The following FAM118A variants were observed in gnomAD, a reference collection of about 807,000 sequenced individuals.
The protein encoded by FAM118A is protein FAM118A.
Under a neutral mutation model 38.2 loss-of-function variants are expected in FAM118A, and 25 were observed. The ratio of observed to expected loss-of-function variants is 0.65; its 90% CI spans 0.48 to 0.91. The LOEUF is 0.91. Among genes scored for constraint, FAM118A ranks in the 40% least tolerant of loss-of-function variants. The pLI, the probability that FAM118A is intolerant of heterozygous loss-of-function variation, is 0.00. For missense variants in FAM118A, 425 were observed against 463.3 expected (o/e 0.92, Z 0.76); for synonymous variants, 178 against 184.1 (o/e 0.97, Z 0.27).
intron 8 of FAM118A, among the ~76,000 whole-genome samples, chr22:45,336,993 C>G (rs889371956): frequency 6.6e-6 from 1 of 152,240 alleles, no homozygotes; most frequent in Non-Finnish European, 1.5e-5. Flanking sequence ...GAATAGGCCT[C>G]TCTGTTGACG....
In FAM118A at chr22:45,317,976, G is replaced by T. The variant is rs573644771; in HGVS notation, c.-9-4395G>T. Among the ~76,000 whole-genome samples the T allele has an allele frequency of 2.0e-5, 3 of 152,356 alleles. No individual in the cohort carries two copies. The South Asian group carries it at 6.2e-4, about 32-fold the overall frequency. On this transcript the variant is annotated intron_variant, in intron 1 of 8. Transcript: ENST00000441876. ...TGTAGAAGGGTGTGGCTGCCAGCAG[G>T]CATGAGGGGCGGGGCCATTAACATC...
At chr22:45,322,712 T>C (rs2084953041) in intron 2 of FAM118A, among the ~76,000 whole-genome samples, 1 of 152,194 alleles carries the variant, frequency 6.6e-6, no homozygotes, top group African/African-American at 2.4e-5. Context: ...TGACTACAGA[T>C]GGACAGCAGC....
At chr22:45,311,671 C>CG (rs2084371398) in intron 1 of FAM118A, among the ~76,000 whole-genome samples, 1 of 151,696 alleles carries the variant, frequency 6.6e-6, no homozygotes, top group South Asian at 2.1e-4. Context: ...AGGAGAGGGG[C>CG]GGGAGTTGGT....
At chr22:45,311,862 G>A (rs1407157690) in intron 1 of FAM118A, among the ~76,000 whole-genome samples, 1 of 152,110 alleles carries the variant, frequency 6.6e-6, no homozygotes, top group African/African-American at 2.4e-5. Context: ...TTTCCTGTCT[G>A]AGCCTGGGGT....
At chr22:45,332,841 G>A (rs2085822227) in intron 6 of FAM118A, 131 bp downstream of exon 6, 4 of 919,150 alleles carry the variant, frequency 4.4e-6, no homozygotes, top group Non-Finnish European at 4.8e-6. Context: ...CCGCCTCCTA[G>A]GTTCAAGGGA....
chr22:45,321,006 C>G (rs1569127871), intron 1 of FAM118A, among the ~76,000 whole-genome samples: 1 of 152,184 alleles, frequency 6.6e-6, no homozygotes, highest in Non-Finnish European at 1.5e-5. Context: ...CATATATATA[C>G]ATTACACTTA....
At chr22:45,311,204 G>A (rs537830637) in intron 1 of FAM118A, among the ~76,000 whole-genome samples, 85 of 152,310 alleles carry the variant, frequency 5.6e-4, no homozygotes, top group African/African-American at 2.0e-3. Context: ...GTTTGCCAGG[G>A]TCATTCCAGG....
At chr22:45,326,213 G>A (rs796143961) in intron 3 of FAM118A, among the ~76,000 whole-genome samples, 29 of 141,410 alleles carry the variant, frequency 2.1e-4, no homozygotes, top group African/African-American at 7.0e-4. Context: ...GCAAAGCTCT[G>A]CAGCATGGTT....
intron 8 of FAM118A, among the ~76,000 whole-genome samples, chr22:45,339,700 G>A (rs528223132): frequency 6.6e-6 from 1 of 152,242 alleles, no homozygotes; most frequent in African/African-American, 2.4e-5. Context: ...CAAGAACGAA[G>A]GCCCGGGCGA....
chr22:45,312,333 T>C (rs548674008), intron 1 of FAM118A, among the ~76,000 whole-genome samples: 1 of 152,216 alleles, frequency 6.6e-6, no homozygotes, highest in South Asian at 2.1e-4. Flanking sequence ...CTCTGGAACT[T>C]CTGATCGATC....
In FAM118A at chr22:45,326,104, G is replaced by C. The variant is rs562631190; in HGVS notation, c.301-1738G>C. On this transcript the variant is annotated intron_variant, in intron 3 of 8. Transcript: ENST00000441876. ...GCGAGGGGAGGTATTTTGATACCCA[G>C]GTGCCGAGGCAGAGGGTGACAATGA... Among the ~76,000 whole-genome samples, 5 of 152,296 alleles carry C rather than the reference G, an allele frequency of 3.3e-5. No homozygotes were observed. The South Asian group carries it at 1.0e-3, about 32-fold the overall frequency.
At chr22:45,336,788 A>G (rs1489309322) in intron 8 of FAM118A, among the ~76,000 whole-genome samples, 1 of 152,246 alleles carries the variant, frequency 6.6e-6, no homozygotes, top group Non-Finnish European at 1.5e-5. Flanking sequence ...AATCACACGC[A>G]GTTGAGGAAG....
rs1054544751 is a variant in FAM118A, at chr22:45,341,534, G to C, written c.*1129G>C. 3.3e-5 allele frequency: 5 copies of C among 152,220 alleles called. No homozygotes were observed. Among genetic ancestry groups the C allele is most frequent in the African/African-American group, 1.2e-4 (5 of 41,444 alleles). The allele number at this position is 152,220 out of a possible 1,614,324, so 9.4% of individuals were successfully genotyped here. On this transcript the variant is annotated 3_prime_UTR_variant, in exon 9 of 9. Coordinates refer to ENST00000441876, the MANE Select transcript of FAM118A (RefSeq NM_017911.4). ...ATGGCCCACATTAAGGGAGTTTGCA[G>C]AGAGTGAGGGAGGCAAAACTTGAAA...
rs2084940866 is a variant in FAM118A at position 45,322,514 on chromosome 22, G to A, written c.47+88G>A. On this transcript the variant is annotated intron_variant, in intron 2 of 8. Coordinates refer to ENST00000441876, the MANE Select transcript of FAM118A (RefSeq NM_017911.4). ...TGTGCGCACTCGTTCTTTAGTACCT[G>A]CAAGGGCGAAAGTGAAATGGAAACA... The A allele has an allele frequency of 2.8e-5, 33 of 1,164,246 alleles. No individual in the cohort carries two copies. The South Asian group carries it at 4.3e-4, about 15-fold the overall frequency. 72.1% of individuals were successfully genotyped at this position (1,164,246 alleles called of 1,614,324 possible). A position where few individuals can be genotyped will look rare whatever the true frequency, so the allele number is the denominator to read the frequency against.
At chr22:45,333,396 C>G (rs530097769) in intron 6 of FAM118A, among the ~76,000 whole-genome samples, 4 of 151,740 alleles carry the variant, frequency 2.6e-5, no homozygotes, top group Admixed American at 2.6e-4. Flanking sequence ...GGGTTTGGAG[C>G]GGGCGCGATA....
At chr22:45,313,670 A>C (rs1471834859) in intron 1 of FAM118A, among the ~76,000 whole-genome samples, 1 of 152,140 alleles carries the variant, frequency 6.6e-6, no homozygotes, top group African/African-American at 2.4e-5. Context: ...GATTAAACAG[A>C]TTTAGGAAGA....
chr22:45,323,978 C>A (rs892651434), intron 3 of FAM118A, among the ~76,000 whole-genome samples: 1 of 152,200 alleles, frequency 6.6e-6, no homozygotes, highest in South Asian at 2.1e-4. Flanking sequence ...TTGTTGTCCC[C>A]GTCAGCTATG....
intron 7 of FAM118A, 100 bp downstream of exon 7, chr22:45,335,482 A>C: frequency 7.2e-7 from 1 of 1,387,946 alleles, no homozygotes; most frequent in Admixed American, 1.8e-5. Context: ...TTTTCACCTT[A>C]AATAATTAGC....
chr22:45,339,201 G>A (rs865952549), intron 8 of FAM118A, among the ~76,000 whole-genome samples: 17 of 152,156 alleles, frequency 1.1e-4, no homozygotes, highest in Admixed American at 8.5e-4. Context: ...GGCCAGGTCA[G>A]CCTGGCCAAC....
Sources: allele counts gnomAD v4.1 joint callset (sites outside exome capture counted in the v4.1 genomes callset), GRCh38; gene constraint gnomAD v4.1.1; transcripts MANE v1.5; gene names NCBI Gene and HGNC (gene_info 2026-07-23, HGNC 2026-07-21).